The following KLF17 variants were observed in gnomAD, a reference collection of about 807,000 sequenced individuals.
KLF17 encodes Krueppel-like factor 17.
A neutral mutation model predicts 34.2 loss-of-function variants in KLF17; 31 were observed. The ratio of observed to expected loss-of-function variants is 0.91; its 90% CI spans 0.68 to 1.22. The LOEUF (loss-of-function observed/expected upper bound fraction) is 1.22. Among genes scored for constraint, KLF17 ranks in the 50% most tolerant of loss-of-function variants. The pLI is 0.00. For synonymous variants in KLF17, 179 were observed against 186.7 expected (o/e 0.96, Z 0.34); for missense variants, 478 against 505.2 (o/e 0.95, Z 0.52).
At chr1:44,091,310 T>C in the KLF17 span, among the ~76,000 whole-genome samples, 2 of 152,144 alleles carry the variant, frequency 1.3e-5, no homozygotes, top group Non-Finnish European at 2.9e-5. Context: ...TATATCTGCA[T>C]GTCTAAATTC....
At chr1:44,080,172 T>C in the KLF17 span, among the ~76,000 whole-genome samples, 27,684 of 150,232 alleles carry the variant, frequency 0.18, 2,867 homozygotes, top group Non-Finnish European at 0.22. Context: ...CGTGATCCAC[T>C]CACCTTAGCC....
At chr1:44,081,260 G>T in the KLF17 span, among the ~76,000 whole-genome samples, 1 of 149,966 alleles carries the variant, frequency 6.7e-6, no homozygotes, top group African/African-American at 2.5e-5. Context: ...ATCAGATTCA[G>T]TTAAACAGAT....
chr1:44,044,689 G>A, the KLF17 span: 4 of 152,408 alleles, frequency 2.6e-5, no homozygotes, highest in East Asian at 7.7e-4. Context: ...CAACTACCTA[G>A]GGTGAAATCT....
At chr1:44,066,223 G>A in the KLF17 span, among the ~76,000 whole-genome samples, 2 of 151,668 alleles carry the variant, frequency 1.3e-5, no homozygotes, top group East Asian at 3.9e-4. Context: ...GGGAGACTGA[G>A]GTGGGAGGAT....
chr1:44,086,719 CAG>C, the KLF17 span, among the ~76,000 whole-genome samples: 1 of 152,110 alleles, frequency 6.6e-6, no homozygotes, highest in Admixed American at 6.5e-5. Flanking sequence ...ACAGCCAGCC[CAG>C]AGAGAAGGCA....
At chr1:44,076,697 C>G in the KLF17 span, 1 of 151,604 alleles carries the variant, frequency 6.6e-6, no homozygotes, top group Non-Finnish European at 1.5e-5. Context: ...AAGTTTTCTA[C>G]TAATTTTTCT....
intron 1 of KLF17, among the ~76,000 whole-genome samples, chr1:44,128,985 C>T (rs1365377609): frequency 1.3e-5 from 2 of 151,726 alleles, no homozygotes; most frequent in East Asian, 1.9e-4. Flanking sequence ...GCACTCCAGC[C>T]TGGGCAACAA....
chr1:44,103,201 C>T, the KLF17 span: 1 of 619,872 alleles, frequency 1.6e-6, no homozygotes, highest in African/African-American at 1.8e-5. Context: ...AGGGCTGAGC[C>T]TCAGGTGGGT....
chr1:44,061,264 G>C, the KLF17 span: 1 of 152,228 alleles, frequency 6.6e-6, no homozygotes, highest in African/African-American at 2.4e-5. Flanking sequence ...GGCTAGACAG[G>C]ACCAACATCC....
chr1:44,125,856 T>C (rs1027371013), intron 1 of KLF17, among the ~76,000 whole-genome samples: 1 of 152,040 alleles, frequency 6.6e-6, no homozygotes, highest in South Asian at 2.1e-4. Flanking sequence ...TTTGTATTCA[T>C]ATCTGGAAGT....
the KLF17 span, among the ~76,000 whole-genome samples, chr1:44,107,893 G>T: frequency 1.3e-5 from 2 of 152,178 alleles, no homozygotes; most frequent in African/African-American, 2.4e-5. Flanking sequence ...CATATATAGG[G>T]TCTGATATTA....
chr1:44,070,334 T>A, the KLF17 span, among the ~76,000 whole-genome samples: 1 of 152,244 alleles, frequency 6.6e-6, no homozygotes, highest in East Asian at 1.9e-4. Flanking sequence ...TTTCTCATCA[T>A]CCACCCCCCT....
chr1:44,065,509 G>A, the KLF17 span, among the ~76,000 whole-genome samples: 3 of 143,172 alleles, frequency 2.1e-5, no homozygotes, highest in South Asian at 2.2e-4. Flanking sequence ...TCCTAGATTC[G>A]AGTGATTCTC....
In KLF17 at chr1:44,129,827, C is replaced by A. The variant is rs2088083189; in HGVS notation, c.556C>A (p.Pro186Thr). Reference sequence around the variant, plus strand: ...GCCTTACCCTGGCCTCTCGACAGTACCTTCTGACGAAACATTGTTGGGCCC... The same window carrying A: ...GCCTTACCCTGGCCTCTCGACAGTAACTTCTGACGAAACATTGTTGGGCCC... ...PVPYPGLSTV[P>T]SDETLLGPTV... The change falls in exon 2 of 4, where the codon CCT becomes ACT. Residue 186 changes from proline to threonine, a missense_variant. Transcript: ENST00000372299. 3 of 1,614,092 alleles carry A rather than the reference C, an allele frequency of 1.9e-6. No homozygotes were observed. Among genetic ancestry groups the A allele is most frequent in the Admixed American group, 1.7e-5 (1 of 60,010 alleles).
chr1:44,121,652 G>GCTT (rs2087947420), intron 1 of KLF17, among the ~76,000 whole-genome samples: 1 of 152,236 alleles, frequency 6.6e-6, no homozygotes, highest in Admixed American at 6.5e-5. Context: ...ATATCAGATT[G>GCTT]CTTCCTCATG....
the KLF17 span, among the ~76,000 whole-genome samples, chr1:44,049,434 C>T: frequency 6.6e-6 from 1 of 152,314 alleles, no homozygotes; most frequent in East Asian, 1.9e-4. Flanking sequence ...CTTCTAACCA[C>T]ATAGAGTTTT....
At chr1:44,069,067 T>G in the KLF17 span, among the ~76,000 whole-genome samples, 371 of 152,300 alleles carry the variant, frequency 2.4e-3, no homozygotes, top group Non-Finnish European at 3.7e-3. The surrounding 1 kb of genome is among the most constrained non-coding windows in gnomAD (Gnocchi z 4.7). Context: ...TTTATTTTAA[T>G]GATCACTCAT....
chr1:44,106,658 T>A, the KLF17 span: 1 of 152,036 alleles, frequency 6.6e-6, no homozygotes, highest in Non-Finnish European at 1.5e-5. Context: ...ATGGTGAGTA[T>A]GGGGGAGGGC....
the KLF17 span, among the ~76,000 whole-genome samples, chr1:44,050,450 C>G: frequency 1.3e-5 from 2 of 152,298 alleles, no homozygotes; most frequent in African/African-American, 4.8e-5. Flanking sequence ...AGTTACCACC[C>G]TTGTTCTAGA....
Sources: gnomAD v4.1 joint callset for allele counts (sites outside exome capture counted in the v4.1 genomes callset) on GRCh38, gnomAD v4.1.1 for gene constraint, Gnocchi (gnomAD v3.1) non-coding constraint, MANE v1.5 for transcripts, NCBI Gene and HGNC (gene_info 2026-07-23, HGNC 2026-07-21) for gene names.